CNTN4: variants seen among roughly 807,000 people sequenced by gnomAD.
The protein encoded by CNTN4 is contactin 4, also known as contactin-4.
In CNTN4, 77 loss-of-function variants were observed where a neutral mutation model predicts 122.5. The observed-to-expected ratio is 0.63, with a 90% CI of 0.52 to 0.76. The LOEUF (loss-of-function observed/expected upper bound fraction) is 0.76, where lower values mean the gene tolerates loss of function less well. Ranked by LOEUF, CNTN4 falls within the 30% of genes least tolerant of loss-of-function variation. The pLI, the probability that CNTN4 is intolerant of heterozygous loss-of-function variation, is 0.00. For missense variants in CNTN4, 1,256 were observed against 1,259.1 expected, an observed-to-expected ratio of 1.00 and a Z score of 0.04; for synonymous variants, 512 against 447.0, an observed-to-expected ratio of 1.15 and a Z score of -1.83.
At chr3:2,296,758 T>C (rs2042328069) in intron 2 of CNTN4, among the ~76,000 whole-genome samples, 1 of 151,472 alleles carries the variant, frequency 6.6e-6, no homozygotes, top group African/African-American at 2.4e-5. Context: ...CAACAGGTGT[T>C]TGTTTAGGTT....
At chr3:2,876,634 A>G (rs1407450546) in intron 8 of CNTN4, among the ~76,000 whole-genome samples, 1 of 152,228 alleles carries the variant, frequency 6.6e-6, no homozygotes, top group Non-Finnish European at 1.5e-5. Flanking sequence ...TGCAAATTGT[A>G]CTTAAACAAG....
chr3:2,890,239 A>T (rs1271067851), intron 10 of CNTN4, among the ~76,000 whole-genome samples: 1 of 152,196 alleles, frequency 6.6e-6, no homozygotes, highest in Non-Finnish European at 1.5e-5. Flanking sequence ...GAGCTTAATT[A>T]TACATAAGCA....
intron 2 of CNTN4, among the ~76,000 whole-genome samples, chr3:2,304,744 G>A (rs1187947693): frequency 2.0e-5 from 3 of 150,856 alleles, no homozygotes; most frequent in South Asian, 2.1e-4. Context: ...CTTTCTCTAA[G>A]CCACATACAT....
At chr3:2,731,307 T>C (rs1024545011) in intron 4 of CNTN4, among the ~76,000 whole-genome samples, 1 of 152,156 alleles carries the variant, frequency 6.6e-6, no homozygotes, top group African/African-American at 2.4e-5. Context: ...CTCCCTTCCC[T>C]TTATGAAGAT....
At chr3:2,205,964 A>T (rs575169081) in intron 2 of CNTN4, among the ~76,000 whole-genome samples, 8 of 152,228 alleles carry the variant, frequency 5.3e-5, no homozygotes, top group African/African-American at 9.6e-5. Context: ...ATTACTTTGC[A>T]TTTAAAGTAG....
chr3:2,502,837 T>C (rs1384805319), intron 3 of CNTN4, among the ~76,000 whole-genome samples: 1 of 152,152 alleles, frequency 6.6e-6, no homozygotes, highest in Non-Finnish European at 1.5e-5. Context: ...AAAAGTTCTT[T>C]TATAAATCTT....
chr3:2,703,355 G>A (rs1161971031), intron 4 of CNTN4, among the ~76,000 whole-genome samples: 1 of 152,060 alleles, frequency 6.6e-6, no homozygotes, highest in Non-Finnish European at 1.5e-5. Context: ...ACATGAAATG[G>A]AAAAAAACTA....
rs576326790 is a variant in CNTN4 at position 2,672,708 on chromosome 3, G to T, written c.56-63507G>T. Among the ~76,000 whole-genome samples, 16 of 152,336 alleles carry T rather than the reference G, an allele frequency of 1.1e-4. No homozygotes were observed. In the South Asian group the frequency reaches 3.3e-3, roughly 32 times the overall value. On this transcript the variant is annotated intron_variant, in intron 4 of 24. Coordinates refer to ENST00000418658, the MANE Select transcript of CNTN4 (RefSeq NM_175607.3). ...TGTGTTGCTCACACTGGGAGCTGTA[G>T]ACTGGAGCTGTTCCTATTCGGCCAT...
chr3:2,113,458 C>G (rs1323690705), intron 2 of CNTN4, among the ~76,000 whole-genome samples: 1 of 152,174 alleles, frequency 6.6e-6, no homozygotes, highest in Admixed American at 6.5e-5. Context: ...TTTCCTCACG[C>G]AGATGCACTG....
intron 2 of CNTN4, among the ~76,000 whole-genome samples, chr3:2,183,729 A>T (rs1451563255): frequency 2.0e-5 from 3 of 152,158 alleles, no homozygotes; most frequent in Admixed American, 2.0e-4. Flanking sequence ...ATATAACTGG[A>T]ATAATGGTTA....
intron 4 of CNTN4, among the ~76,000 whole-genome samples, chr3:2,688,334 C>T (rs1043118202): frequency 1.3e-5 from 2 of 152,144 alleles, no homozygotes; most frequent in Admixed American, 1.3e-4. Context: ...CAGGCACCAC[C>T]CTCCACCCAA....
chr3:2,867,800 A>C (rs1289985580), intron 8 of CNTN4, among the ~76,000 whole-genome samples: 2 of 151,924 alleles, frequency 1.3e-5, no homozygotes, highest in African/African-American at 2.4e-5. Context: ...AAGATCTCAT[A>C]ATTCTGCATC....
intron 4 of CNTN4, among the ~76,000 whole-genome samples, chr3:2,692,361 A>G (rs1051677406): frequency 1.3e-5 from 2 of 151,926 alleles, no homozygotes; most frequent in African/African-American, 4.8e-5. Context: ...CAGTTCCAAT[A>G]ATTTTCCTTT....
intron 23 of CNTN4, among the ~76,000 whole-genome samples, chr3:3,048,203 C>G (rs1700873412): frequency 6.6e-6 from 1 of 151,290 alleles, no homozygotes. Context: ...AGGTTCCATA[C>G]TCTCAAATGT....
intron 6 of CNTN4, among the ~76,000 whole-genome samples, chr3:2,801,813 G>C (rs1263292701): frequency 6.6e-6 from 1 of 152,062 alleles, no homozygotes; most frequent in African/African-American, 2.4e-5. Context: ...GTACTTATTA[G>C]AGGTTTAATT....
At chr3:2,891,978 A>G (rs187434511) in intron 10 of CNTN4, among the ~76,000 whole-genome samples, 1 of 152,316 alleles carries the variant, frequency 6.6e-6, no homozygotes, top group Admixed American at 6.5e-5. Context: ...AGGAAGAGAA[A>G]TGGAGAGACT....
intron 8 of CNTN4, among the ~76,000 whole-genome samples, chr3:2,872,300 A>G (rs1194420108): frequency 1.3e-5 from 2 of 152,226 alleles, no homozygotes; most frequent in African/African-American, 4.8e-5. Context: ...AGCAGAGATT[A>G]GGACAGTCTT....
At chr3:2,117,043 G>A (rs893618251) in intron 2 of CNTN4, among the ~76,000 whole-genome samples, 1 of 152,148 alleles carries the variant, frequency 6.6e-6, no homozygotes, top group African/African-American at 2.4e-5. Flanking sequence ...ATTCAGTTCA[G>A]TACTGACACT....
In CNTN4 at chr3:2,467,835, TC is replaced by T. The variant is rs527463101; in HGVS notation, c.-88-103579del. On this transcript the variant is annotated intron_variant, in intron 3 of 24. Coordinates refer to ENST00000418658, the MANE Select transcript of CNTN4 (RefSeq NM_175607.3). ...GGTCCCTCCTGAGTGCAGAGACTAT[TC>T]CTGCTAATGCGAATTCCACCTTTCT... Among the ~76,000 whole-genome samples the T allele has an allele frequency of 3.6e-3, 549 of 152,354 alleles. 2 individuals carry two copies. The highest frequency in any genetic ancestry group is 0.012 in the African/African-American group (515 of 41,580).
Sources: gnomAD v4.1 joint callset for allele counts (sites outside exome capture counted in the v4.1 genomes callset) on GRCh38, gnomAD v4.1.1 for gene constraint, MANE v1.5 for transcripts, NCBI Gene and HGNC (gene_info 2026-07-23, HGNC 2026-07-21) for gene names.